Variants in CPTP observed in about 807,000 individuals in gnomAD.
The protein encoded by CPTP is GLTP domain-containing protein 1.
A neutral mutation model predicts 5.7 loss-of-function variants in CPTP; 5 were observed. The ratio of observed to expected loss-of-function variants is 0.88; its 90% confidence interval spans 0.46 to 1.86. The LOEUF is 1.86. Ranked by LOEUF, CPTP falls within the 40% of genes most tolerant of loss-of-function variation. The pLI is 0.01. For missense variants in CPTP, 335 were observed against 306.5 expected (o/e 1.09, Z -0.69); for synonymous variants, 166 against 142.7 (o/e 1.16, Z -1.16).
chr1:1,328,613 T>C lies in CPTP; in HGVS notation c.*850T>C, dbSNP rs1186419944. 6.6e-6 allele frequency: 1 copy of C among 152,624 alleles called. No individual in the cohort carries two copies. The highest frequency in any genetic ancestry group is 1.5e-5 in the Non-Finnish European group (1 of 68,258). The allele number at this position is 152,624 out of a possible 1,614,324, so 9.5% of individuals were successfully genotyped here. On this transcript the variant is annotated 3_prime_UTR_variant, in exon 3 of 3. Coordinates refer to ENST00000343938, the MANE Select transcript of CPTP (RefSeq NM_001029885.2). ...GTCCCTTCTCCCCCGTGCCCCTTGA[T>C]GCCCCCTCCCCACAGTGCTCAGGAG...
Position 1,327,445 on chromosome 1 carries a change from G to A in CPTP, c.327G>A (p.Leu109=), listed in dbSNP as rs1170003704. The part of the protein sequence containing the change: ...HHPESGCRTV[L]RLHRALHWLQ... ...CGGAGTCTGGCTGCCGGACGGTGCT[G>A]CGCCTGCACCGCGCCCTGCACTGGC... The change falls in exon 3 of 3, where the codon CTG becomes CTA. Residue 109 remains leucine (L), a synonymous_variant. Coordinates refer to ENST00000343938, the MANE Select transcript of CPTP (RefSeq NM_001029885.2). The A allele has an allele frequency of 2.5e-6, 4 of 1,578,286 alleles. No homozygotes were observed. Among genetic ancestry groups the A allele is most frequent in the Non-Finnish European group, 2.6e-6 (3 of 1,168,522 alleles).
rs1223506693 is a variant in CPTP, at chr1:1,326,841, G to C, written c.-70G>C. ...TTGTTCCCCTCCACACACAGAAAAT[G>C]AGCCACAGAGCAAGCTGACCCCAGC... On this transcript the variant is annotated 5_prime_UTR_variant, in exon 2 of 3. It removes an upstream start codon present in the reference 5' UTR. Coordinates refer to ENST00000343938, the MANE Select transcript of CPTP (RefSeq NM_001029885.2). The C allele has an allele frequency of 3.1e-6, 5 of 1,600,456 alleles. No individual in the cohort carries two copies. Among genetic ancestry groups the C allele is most frequent in the Middle Eastern group, 1.7e-4 (1 of 6,032 alleles).
At chr1:1,325,756 C>T (rs1281114671) in intron 1 of CPTP, among the ~76,000 whole-genome samples, 2 of 152,068 alleles carry the variant, frequency 1.3e-5, no homozygotes, top group African/African-American at 4.8e-5. Context: ...GATGAAGGGC[C>T]CAGTCCTAGG....
In CPTP at chr1:1,327,509, G is replaced by A. The variant is rs370622741; in HGVS notation, c.391G>A (p.Asp131Asn). 1 of 1,576,538 alleles carries A rather than the reference G, an allele frequency of 6.3e-7. No individual in the cohort carries two copies. Among genetic ancestry groups the A allele is most frequent in the Non-Finnish European group, 8.6e-7 (1 of 1,165,046 alleles). Reference sequence around the variant, plus strand: ...GGAGGGCCTGCGTACCAGCCCCGAGGACGCACGCACCTCCGCGCTCTGCGC... The same window carrying A: ...GGAGGGCCTGCGTACCAGCCCCGAGAACGCACGCACCTCCGCGCTCTGCGC... ...FLEGLRTSPE[D>N]ARTSALCADS... The change falls in exon 3 of 3, where the codon GAC (aspartate) becomes AAC (asparagine). Residue 131 changes from aspartate to asparagine, a missense_variant. By Grantham distance (23) the Asp-to-Asn change is conservative. Transcript: ENST00000343938.
chr1:1,327,437 A>T lies in CPTP; in HGVS notation c.319A>T (p.Thr107Ser). 1 of 1,581,320 alleles carries T rather than the reference A, an allele frequency of 6.3e-7. No individual in the cohort carries two copies. Among genetic ancestry groups the T allele is most frequent in the South Asian group, 1.1e-5 (1 of 88,910 alleles). ...RSHHPESGCRTVLRLHRALHW... is the reference protein window; with the variant it reads ...RSHHPESGCRSVLRLHRALHW... ...CCACCACCCGGAGTCTGGCTGCCGG[A>T]CGGTGCTGCGCCTGCACCGCGCCCT... The change falls in exon 3 of 3, where the codon ACG becomes TCG. Residue 107 changes from threonine to serine, a missense_variant. By Grantham distance (58) the Thr-to-Ser change is moderately conservative. Coordinates refer to ENST00000343938, the MANE Select transcript of CPTP (RefSeq NM_001029885.2).
rs1387294847 is a variant in CPTP at position 1,326,373 on chromosome 1, C to T, written c.-75-463C>T. Among the ~76,000 whole-genome samples the T allele has an allele frequency of 5.9e-5, 9 of 151,700 alleles. 1 individual carries two copies. Among genetic ancestry groups the T allele is most frequent in the African/African-American group, 1.9e-4 (8 of 41,286 alleles). Reference sequence around the variant, plus strand: ...TGTTTTCTTGTCTAGGACTTCAGAACTTCCTGTCTTTGTTGTCATCTGACC... The same window carrying T: ...TGTTTTCTTGTCTAGGACTTCAGAATTTCCTGTCTTTGTTGTCATCTGACC... On this transcript the variant is annotated intron_variant, in intron 1 of 2. Transcript: ENST00000343938.
Position 1,327,537 on chromosome 1 carries a change from A to C in CPTP, c.419A>C (p.Asp140Ala). The C allele has an allele frequency of 1.9e-6, 3 of 1,588,796 alleles. No individual in the cohort carries two copies. The highest frequency in any genetic ancestry group is 2.6e-6 in the Non-Finnish European group (3 of 1,169,464). The stretch of plus-strand genomic sequence containing the variant: ...GCACGCACCTCCGCGCTCTGCGCCG[A>C]CTCCTACAACGCCTCGCTGGCCGCC... ...EDARTSALCADSYNASLAAYH... is the reference protein window; with the variant it reads ...EDARTSALCAASYNASLAAYH... The change falls in exon 3 of 3, where the codon GAC becomes GCC. Residue 140 changes from aspartate (D) to alanine (A), a missense_variant. Asp to Ala is a moderately radical substitution (Grantham distance 126, BLOSUM62 -2). Coordinates refer to ENST00000343938, the MANE Select transcript of CPTP (RefSeq NM_001029885.2).
rs372008538 is a variant in CPTP at position 1,327,371 on chromosome 1, C to T, written c.253C>T (p.His85Tyr). Residue 85 changes from histidine to tyrosine, a missense_variant, in exon 3 of 3, where the codon CAC becomes TAC. Coordinates refer to ENST00000343938, the MANE Select transcript of CPTP (RefSeq NM_001029885.2). ...HYRSLQAMVA[H>Y]ELSNRLVDLE... The stretch of plus-strand genomic sequence containing the variant: ...CCGCAGCCTGCAGGCCATGGTGGCC[C>T]ACGAGCTGAGCAACCGGCTGGTGGA... 3.7e-5 allele frequency: 59 copies of T among 1,598,058 alleles called. No individual in the cohort carries two copies. In the African/African-American group the frequency reaches 6.4e-4, roughly 17 times the overall value.
chr1:1,327,241 G>A lies in CPTP; in HGVS notation c.123G>A (p.Arg41=), dbSNP rs961766549. 2 of 1,595,620 alleles carry A rather than the reference G, an allele frequency of 1.3e-6. No homozygotes were observed. Among genetic ancestry groups the A allele is most frequent in the Non-Finnish European group, 1.7e-6 (2 of 1,178,862 alleles). The stretch of plus-strand genomic sequence containing the variant: ...ACTCGAGCCCCGCTCCCTTCCACAG[G>A]TTTCTGAACAGCCTGGGCACCATCT... ...PYIASWKGLV[R]FLNSLGTIFS... Residue 41 remains arginine (R), a splice_region_variant and synonymous_variant, in exon 3 of 3, where the codon AGG becomes AGA. Coordinates refer to ENST00000343938, the MANE Select transcript of CPTP (RefSeq NM_001029885.2).
rs1033441432 is a variant in CPTP, at chr1:1,327,804, T to G, written c.*41T>G. The G allele has an allele frequency of 8.7e-6, 14 of 1,601,372 alleles. No individual in the cohort carries two copies. The highest frequency in any genetic ancestry group is 1.1e-5 in the Non-Finnish European group (13 of 1,177,410). On this transcript the variant is annotated 3_prime_UTR_variant, in exon 3 of 3. Transcript: ENST00000343938. The stretch of plus-strand genomic sequence containing the variant: ...GCCGCACCGGCTTTCCTGCTGCAGA[T>G]CTGGGCTGCGGTGGCCAGGGCCGTG...
At position 1,328,006 on chromosome 1, in the gene CPTP, TAC is replaced by T. The variant is rs1284851917; in HGVS notation, c.*246_*247del. ...CGGCCACGGCTCCCCCTCGGCCTATTACACGCGTGCGCAGCCAGGCCTCGCCA... is the reference window on the plus strand; with the variant it reads ...CGGCCACGGCTCCCCCTCGGCCTATTACGCGTGCGCAGCCAGGCCTCGCCA... On this transcript the variant is annotated 3_prime_UTR_variant, in exon 3 of 3. Coordinates refer to ENST00000343938, the MANE Select transcript of CPTP (RefSeq NM_001029885.2). 2 of 580,706 alleles carry T rather than the reference TAC, an allele frequency of 3.4e-6. No homozygotes were observed. The highest frequency in any genetic ancestry group is 5.8e-5 in the East Asian group (2 of 34,446). 36.0% of individuals were successfully genotyped at this position (580,706 alleles called of 1,614,324 possible).
Position 1,327,970 on chromosome 1 carries a change from A to C in CPTP, c.*207A>C. On this transcript the variant is annotated 3_prime_UTR_variant, in exon 3 of 3. Coordinates refer to ENST00000343938, the MANE Select transcript of CPTP (RefSeq NM_001029885.2). Reference sequence around the variant, plus strand: ...AAGAGGCCCACCCTCTCGGTCCGGAACAAGACGCCTCGGCCACGGCTCCCC... The same window carrying C: ...AAGAGGCCCACCCTCTCGGTCCGGACCAAGACGCCTCGGCCACGGCTCCCC... 1.6e-6 allele frequency: 1 copy of C among 628,460 alleles called. No homozygotes were observed. The highest frequency in any genetic ancestry group is 2.7e-6 in the Non-Finnish European group (1 of 364,024). 38.9% of individuals were successfully genotyped at this position (628,460 alleles called of 1,614,324 possible).
rs1643250741 is a variant in CPTP, at chr1:1,324,835, G to C, written c.-343G>C. On this transcript the variant is annotated 5_prime_UTR_variant, in exon 1 of 3. Coordinates refer to ENST00000343938, the MANE Select transcript of CPTP (RefSeq NM_001029885.2). ...CACGGCGGCTACGGCCTAGGTGAGC[G>C]GCTCGGACTCGGCGGCCGCACCTGC... 8.1e-6 allele frequency: 4 copies of C among 492,036 alleles called. No individual in the cohort carries two copies. The highest frequency in any genetic ancestry group is 4.4e-5 in the Admixed American group (1 of 22,488). 30.5% of individuals were successfully genotyped at this position (492,036 alleles called of 1,614,324 possible).
Position 1,327,456 on chromosome 1 carries a change from G to C in CPTP, c.338G>C (p.Arg113Pro). Residue 113 changes from arginine (R) to proline (P), a missense_variant, in exon 3 of 3, where the codon CGC becomes CCC. Coordinates refer to ENST00000343938, the MANE Select transcript of CPTP (RefSeq NM_001029885.2). ...SGCRTVLRLH[R>P]ALHWLQLFLE... is the part of the protein sequence containing the mutation. ...TGCCGGACGGTGCTGCGCCTGCACCGCGCCCTGCACTGGCTGCAGCTGTTC... is the reference window on the plus strand; with the variant it reads ...TGCCGGACGGTGCTGCGCCTGCACCCCGCCCTGCACTGGCTGCAGCTGTTC... The C allele has an allele frequency of 6.4e-7, 1 of 1,573,464 alleles. No individual in the cohort carries two copies. The highest frequency in any genetic ancestry group is 8.6e-7 in the Non-Finnish European group (1 of 1,165,572).
At position 1,327,805 on chromosome 1, in the gene CPTP, C is replaced by G. The variant is rs1451933533; in HGVS notation, c.*42C>G. On this transcript the variant is annotated 3_prime_UTR_variant, in exon 3 of 3. Transcript: ENST00000343938. ...CCGCACCGGCTTTCCTGCTGCAGAT[C>G]TGGGCTGCGGTGGCCAGGGCCGTGA... The G allele has an allele frequency of 1.2e-6, 2 of 1,601,336 alleles. No individual in the cohort carries two copies. Among genetic ancestry groups the G allele is most frequent in the African/African-American group, 2.7e-5 (2 of 74,802 alleles).
At chr1:1,326,570 G>A (rs1287128149) in intron 1 of CPTP, among the ~76,000 whole-genome samples, 1 of 152,218 alleles carries the variant, frequency 6.6e-6, no homozygotes, top group African/African-American at 2.4e-5. Flanking sequence ...CAGACAGCGG[G>A]GCCTAGTGGT....
rs748479015 is a variant in CPTP, at chr1:1,327,270, C to G, written c.152C>G (p.Ser51Ter). The G allele has an allele frequency of 5.0e-6, 8 of 1,597,832 alleles. No individual in the cohort carries two copies. The highest frequency in any genetic ancestry group is 6.8e-6 in the Non-Finnish European group (8 of 1,179,498). ...RFLNSLGTIF[S>*]FISKDVVSKL... ...CTGAACAGCCTGGGCACCATCTTCT[C>G]ATTCATCTCCAAGGACGTGGTCTCC... The change falls in exon 3 of 3, where the codon TCA becomes TGA. Residue 51 changes from serine (S) to a stop codon, truncating the protein, a stop_gained. Transcript: ENST00000343938. LOFTEE classifies it low-confidence loss of function (END_TRUNC).
chr1:1,328,088 G>T lies in CPTP; in HGVS notation c.*325G>T, dbSNP rs548857366. The T allele has an allele frequency of 1.5e-4, 66 of 431,214 alleles. 2 individuals carry two copies. In the South Asian group the frequency reaches 1.6e-3, roughly 11 times the overall value. The allele number at this position is 431,214 out of a possible 1,614,324, so 26.7% of individuals were successfully genotyped here. On this transcript the variant is annotated 3_prime_UTR_variant, in exon 3 of 3. Coordinates refer to ENST00000343938, the MANE Select transcript of CPTP (RefSeq NM_001029885.2). Reference sequence around the variant, plus strand: ...GTGGGGGCCGGGCCTGCAAGAGCCCGAAAGGTCGCCACCCCCTAGCCTGTG... The same window carrying T: ...GTGGGGGCCGGGCCTGCAAGAGCCCTAAAGGTCGCCACCCCCTAGCCTGTG...
At chr1:1,325,607 T>C (rs1643280451) in intron 1 of CPTP, 1 of 152,268 alleles carries the variant, frequency 6.6e-6, no homozygotes, top group Non-Finnish European at 1.5e-5. Context: ...TGAGCTCACA[T>C]CTGGGGCCTC....
Sources: allele counts gnomAD v4.1 joint callset (sites outside exome capture counted in the v4.1 genomes callset), GRCh38; gene constraint gnomAD v4.1.1; transcripts MANE v1.5; gene names NCBI Gene and HGNC (gene_info 2026-07-23, HGNC 2026-07-21).